The following SEC14L3 variants were observed in gnomAD, a reference collection of about 807,000 sequenced individuals.
SEC14L3 encodes the protein SEC14-like protein 3.
A neutral mutation model predicts 57.4 loss-of-function variants in SEC14L3; 56 were observed. The ratio of observed to expected loss-of-function variants is 0.97; its 90% CI spans 0.79 to 1.22. The LOEUF is 1.22. Among genes scored for constraint, SEC14L3 ranks in the 50% most tolerant of loss-of-function variants. SEC14L3 has a pLI of 0.00. For missense variants in SEC14L3, 485 were observed against 511.7 expected (o/e 0.95, Z 0.50); for synonymous variants, 173 against 194.4 (o/e 0.89, Z 0.92).
At chr22:30,469,345 G>GT (rs1310277257) in intron 4 of SEC14L3, among the ~76,000 whole-genome samples, 1 of 151,640 alleles carries the variant, frequency 6.6e-6, no homozygotes, top group Non-Finnish European at 1.5e-5. Flanking sequence ...TGCTGCTTCT[G>GT]TACTGTGTGT....
At chr22:30,462,814 T>C (rs1189017828) in intron 8 of SEC14L3, among the ~76,000 whole-genome samples, 1 of 151,246 alleles carries the variant, frequency 6.6e-6, no homozygotes, top group African/African-American at 2.4e-5. Flanking sequence ...CTCAGCTCAC[T>C]GCAACTTCCA....
intron 2 of SEC14L3, 29 bp downstream of exon 2, chr22:30,470,478 A>G: frequency 6.2e-7 from 1 of 1,613,662 alleles, no homozygotes; most frequent in South Asian, 1.1e-5. Context: ...ATGCCCCCTG[A>G]TCCCAACCTC....
downstream of SEC14L3, among the ~76,000 whole-genome samples, chr22:30,454,877 AT>A (rs1569225352): frequency 4.9e-5 from 1 of 20,374 alleles, no homozygotes; most frequent in African/African-American, 3.5e-4. Flanking sequence ...TACATAATAT[AT>A]TATTATATAT....
intron 11 of SEC14L3, among the ~76,000 whole-genome samples, chr22:30,460,828 C>CAAAAAAAA (rs747778887): frequency 9.6e-6 from 1 of 104,422 alleles, no homozygotes; most frequent in Admixed American, 1.1e-4. Flanking sequence ...AACTCTGTCT[C>CAAAAAAAA]AAAAAAAAAA....
Position 30,468,360 on chromosome 22 carries a change from G to T in SEC14L3, c.423+148C>A, listed in dbSNP as rs764500134. 1.7e-5 allele frequency: 10 copies of T among 584,848 alleles called. No homozygotes were observed. The South Asian group carries it at 1.9e-4, about 11-fold the overall frequency. The allele number at this position is 584,848 out of a possible 1,614,324, so 36.2% of individuals were successfully genotyped here. On this transcript the variant is annotated intron_variant, in intron 5 of 11. Transcript: ENST00000215812. ...CTTTCTGTGACTGTGACTTTTCAAG[G>T]CCACACAGCTGGTAAGCAACAGAGC...
chr22:30,454,543 T>TTATTATATATAATCTATAA (rs1569224935), downstream of SEC14L3, among the ~76,000 whole-genome samples: 1,446 of 116,392 alleles, frequency 0.012, 207 homozygotes, highest in Non-Finnish European at 0.02. Flanking sequence ...TATAATAATA[T>TTATTATATATAATCTATAA]TATATATAAT....
At chr22:30,452,726 T>C (rs1303200749) in intron 12 of SEC14L3, among the ~76,000 whole-genome samples, 2 of 150,700 alleles carry the variant, frequency 1.3e-5, no homozygotes, top group East Asian at 3.9e-4. Context: ...TCTTTTTTTT[T>C]TTTTTTTGAC....
chr22:30,465,001 A>C (rs1935375021), intron 7 of SEC14L3, 98 bp from the exon 8 acceptor site: 1 of 1,555,608 alleles, frequency 6.4e-7, no homozygotes, highest in Admixed American at 1.8e-5. Flanking sequence ...AGTCATGACT[A>C]ACCCTGGTCA....
intron 7 of SEC14L3, 127 bp from the exon 8 acceptor site, chr22:30,465,030 C>A: frequency 7.0e-7 from 1 of 1,420,286 alleles, no homozygotes; most frequent in Non-Finnish European, 9.5e-7. Context: ...GTCTGTCCTG[C>A]ACCCAACAAA....
chr22:30,460,312 G>A, intron 11 of SEC14L3, 170 bp from the exon 12 acceptor site: 1 of 983,168 alleles, frequency 1.0e-6, no homozygotes, highest in Non-Finnish European at 1.2e-6. Context: ...AACCCAAGCA[G>A]GTCCTGTAAA....
At chr22:30,456,557 T>C (rs1482173978), downstream of SEC14L3, among the ~76,000 whole-genome samples, 2 of 151,916 alleles carry the variant, frequency 1.3e-5, no homozygotes, top group Admixed American at 6.6e-5. Context: ...TTTTAAGCAA[T>C]TGTAGAATAA....
At chr22:30,468,877 C>A in intron 4 of SEC14L3, 181 bp from the exon 5 acceptor site, 1 of 1,539,258 alleles carries the variant, frequency 6.5e-7, no homozygotes, top group South Asian at 1.2e-5. Context: ...GGGCCTTGCT[C>A]ACAGAGGGTA....
chr22:30,467,229 TCATC>T (rs1346652327), intron 5 of SEC14L3, 152 bp from the exon 6 acceptor site: 42 of 928,050 alleles, frequency 4.5e-5, no homozygotes, highest in Admixed American at 6.0e-5. Context: ...ATTTCCCCAC[TCATC>T]CATCCATCCA....
At position 30,468,614 on chromosome 22, in the gene SEC14L3, A is replaced by C. The variant is rs1299745343; in HGVS notation, c.317T>G (p.Leu106Arg). The C allele has an allele frequency of 3.1e-6, 5 of 1,613,998 alleles. No homozygotes were observed. In the East Asian group the frequency reaches 1.1e-4, roughly 36 times the overall value. The change falls in exon 5 of 12, where the codon CTT becomes CGT. Residue 106 changes from leucine to arginine, a missense_variant. Physicochemically the swap from Leu to Arg is moderately radical, Grantham distance 102. Coordinates refer to ENST00000215812, the MANE Select transcript of SEC14L3 (RefSeq NM_174975.5). The part of the protein sequence containing the change: ...CPVWYDIIGP[L>R]DPKGLLFSVT... ...TGAGAAGAGCAACCCCTTGGGATCA[A>C]GTGGCCCAATGATGTCATACCACAC...
intron 11 of SEC14L3, 108 bp downstream of exon 11, chr22:30,461,202 T>C: frequency 7.5e-7 from 1 of 1,335,486 alleles, no homozygotes; most frequent in Non-Finnish European, 1.0e-6. Flanking sequence ...CTAGGCTGTG[T>C]GTCCCTGAAT....
downstream of SEC14L3, among the ~76,000 whole-genome samples, chr22:30,455,985 G>A (rs1173065270): frequency 1.3e-5 from 2 of 152,098 alleles, no homozygotes; most frequent in Non-Finnish European, 2.9e-5. Context: ...GGAATGAGGG[G>A]GCTGTGTTAG....
At chr22:30,449,898 T>C (rs1934949322) in intron 12 of SEC14L3, among the ~76,000 whole-genome samples, 1 of 152,100 alleles carries the variant, frequency 6.6e-6, no homozygotes, top group African/African-American at 2.4e-5. Flanking sequence ...AGCGCTGTGG[T>C]GAGGAAATAC....
intron 8 of SEC14L3, 78 bp downstream of exon 8, chr22:30,464,742 G>T: frequency 7.4e-7 from 1 of 1,348,052 alleles, no homozygotes; most frequent in Non-Finnish European, 1.1e-6. Flanking sequence ...AATGTGTGGA[G>T]TTCTAGATGG....
downstream of SEC14L3, among the ~76,000 whole-genome samples, chr22:30,455,637 G>T (rs1216237829): frequency 1.3e-5 from 2 of 152,190 alleles, no homozygotes; most frequent in African/African-American, 2.4e-5. Flanking sequence ...TCTCTGAAGG[G>T]GCCAGTGTGG....
Sources: gnomAD v4.1 joint callset for allele counts (sites outside exome capture counted in the v4.1 genomes callset) on GRCh38, gnomAD v4.1.1 for gene constraint, MANE v1.5 for transcripts, NCBI Gene and HGNC (gene_info 2026-07-23, HGNC 2026-07-21) for gene names.